The following CCDC149 variants were observed in gnomAD, a reference collection of about 807,000 sequenced individuals.
CCDC149 encodes coiled-coil domain-containing protein 149.
Under a neutral mutation model 59.9 loss-of-function variants are expected in CCDC149, and 45 were observed. That is an observed-to-expected ratio of 0.75 (90% confidence interval 0.59 to 0.96). CCDC149 has a LOEUF of 0.96. Ranked by LOEUF, CCDC149 falls within the 40% of genes least tolerant of loss-of-function variation. The probability of loss-of-function intolerance (pLI) is 0.00; values close to 1 mark genes in which losing one functional copy is unlikely to be tolerated. For missense variants in CCDC149, 584 were observed against 664.7 expected, an observed-to-expected ratio of 0.88 and a Z score of 1.33; for synonymous variants, 245 against 260.6, an observed-to-expected ratio of 0.94 and a Z score of 0.58.
chr4:24,876,740 T>C (rs747192497), intron 1 of CCDC149, 43 bp from the exon 2 acceptor site: 6 of 1,557,630 alleles, frequency 3.9e-6, no homozygotes, highest in Non-Finnish European at 5.2e-6. Flanking sequence ...AAAACATCCA[T>C]GGGCCTCCAT....
Position 24,837,096 on chromosome 4 carries a change from G to A in CCDC149, c.662+132C>T, listed in dbSNP as rs147933483. On this transcript the variant is annotated intron_variant, in intron 6 of 12. Transcript: ENST00000635206. The surrounding 1 kb of genome is among the most constrained non-coding windows in gnomAD (Gnocchi z 4.3). ...TACATGGCATTGATGTCATCATTTC[G>A]GGGGAGTGAGTTTCTTTTCACTTGT... 6.3e-4 allele frequency: 508 copies of A among 808,352 alleles called. No individual in the cohort carries two copies. The highest frequency in any genetic ancestry group is 3.1e-3 in the African/African-American group (180 of 57,798). The allele number at this position is 808,352 out of a possible 1,614,324, so 50.1% of individuals were successfully genotyped here. A position where few individuals can be genotyped will look rare whatever the true frequency, so the allele number is the denominator to read the frequency against.
chr4:24,807,867 T>C lies in CCDC149; in HGVS notation c.*522A>G, dbSNP rs1472673988. 2.0e-5 allele frequency: 3 copies of C among 152,320 alleles called. No homozygotes were observed. Among genetic ancestry groups the C allele is most frequent in the Non-Finnish European group, 4.4e-5 (3 of 68,174 alleles). 9.4% of individuals were successfully genotyped at this position (152,320 alleles called of 1,614,324 possible). ...GTGGGCACAATGCCAAGCACACCCA[T>C]GCCAGGCAGTCCTCCTGGGCCCTGA... On this transcript the variant is annotated 3_prime_UTR_variant, in exon 13 of 13. Coordinates refer to ENST00000635206, the MANE Select transcript of CCDC149 (RefSeq NM_001330643.2).
intron 1 of CCDC149, among the ~76,000 whole-genome samples, chr4:24,895,898 G>C (rs1720820949): frequency 6.6e-6 from 1 of 152,176 alleles, no homozygotes; most frequent in Non-Finnish European, 1.5e-5. Context: ...AGTCTGGGCA[G>C]GAATCTAGAA....
intron 12 of CCDC149, among the ~76,000 whole-genome samples, chr4:24,817,876 G>C (rs1036311359): frequency 6.6e-6 from 1 of 152,130 alleles, no homozygotes; most frequent in African/African-American, 2.4e-5. Context: ...ACAGTTTTTA[G>C]GGCAGACAAT....
intron 11 of CCDC149, 22 bp from the exon 12 acceptor site, chr4:24,819,997 T>C: frequency 6.6e-7 from 1 of 1,518,234 alleles, no homozygotes; most frequent in Non-Finnish European, 8.9e-7. Context: ...AAGAGGAAAA[T>C]GGATGTCTTA....
chr4:24,974,729 C>T (rs1001303319), intron 1 of CCDC149, among the ~76,000 whole-genome samples: 12 of 152,208 alleles, frequency 7.9e-5, no homozygotes, highest in Non-Finnish European at 1.5e-4. Flanking sequence ...ACTGCATGGC[C>T]TCGGATGATC....
chr4:24,912,789 T>C, intron 1 of CCDC149, 28 bp downstream of exon 1: 1 of 1,290,274 alleles, frequency 7.8e-7, no homozygotes, highest in South Asian at 2.0e-5. Context: ...GCCCGGCCCA[T>C]CCCGCCTGGC....
chr4:24,875,620 C>G (rs576638630), intron 2 of CCDC149, among the ~76,000 whole-genome samples: 1 of 151,656 alleles, frequency 6.6e-6, no homozygotes, highest in African/African-American at 2.4e-5. Flanking sequence ...ACAGGTGTGT[C>G]ACTGCATTTG....
intron 4 of CCDC149, among the ~76,000 whole-genome samples, chr4:24,839,028 TCACA>T (rs56226858): frequency 0.03 from 3,890 of 131,792 alleles, 145 homozygotes; most frequent in African/African-American, 0.088. Context: ...TCTCTCTCTC[TCACA>T]CACACACACA....
At chr4:24,938,889 C>G (rs934655477) in intron 1 of CCDC149, among the ~76,000 whole-genome samples, 4 of 150,548 alleles carry the variant, frequency 2.7e-5, no homozygotes, top group African/African-American at 9.8e-5. Flanking sequence ...GTAAACAAAG[C>G]GGCCGGGAAG....
intron 1 of CCDC149, among the ~76,000 whole-genome samples, chr4:24,964,366 C>T (rs1257798257): frequency 6.6e-6 from 1 of 152,028 alleles, no homozygotes; most frequent in African/African-American, 2.4e-5. Context: ...AATAAACTGA[C>T]AAAAATGAAC....
At chr4:24,901,455 T>C (rs1328653031) in intron 1 of CCDC149, among the ~76,000 whole-genome samples, 1 of 152,238 alleles carries the variant, frequency 6.6e-6, no homozygotes, top group Non-Finnish European at 1.5e-5. Context: ...AAACTCACTA[T>C]ATTAATTTTT....
intron 1 of CCDC149, among the ~76,000 whole-genome samples, chr4:24,944,061 A>G (rs1723032559): frequency 6.6e-6 from 1 of 152,236 alleles, no homozygotes; most frequent in Admixed American, 6.5e-5. Context: ...TATATACCCA[A>G]AGGATTATAA....
chr4:24,856,595 T>A (rs1168376250), intron 3 of CCDC149, among the ~76,000 whole-genome samples: 2 of 152,208 alleles, frequency 1.3e-5, no homozygotes, highest in Non-Finnish European at 2.9e-5. Flanking sequence ...CCTCTCTCCC[T>A]CACCCCATCA....
chr4:24,878,868 G>T (rs1478736027), intron 1 of CCDC149, among the ~76,000 whole-genome samples: 2 of 152,180 alleles, frequency 1.3e-5, no homozygotes, highest in Non-Finnish European at 2.9e-5. Context: ...ACAGCTCTCT[G>T]TTAGGGTCCA....
rs531020108 is a variant in CCDC149, at chr4:24,936,042, A to G, written c.-64-40924T>C. Among the ~76,000 whole-genome samples, 7 of 152,282 alleles carry G rather than the reference A, an allele frequency of 4.6e-5. No homozygotes were observed. The South Asian group carries it at 8.3e-4, about 18-fold the overall frequency. ...TCAAGAAAGAGGCAATGCTCACCCA[A>G]GCTGCTGATATTAGTCAACTCAGAT... is the stretch of plus-strand genomic sequence containing the variant. On this transcript the variant is annotated intron_variant, in intron 1 of 12. Transcript: ENST00000389609.
intron 1 of CCDC149, among the ~76,000 whole-genome samples, chr4:24,957,051 TC>T (rs1723486684): frequency 6.6e-6 from 1 of 152,142 alleles, no homozygotes. Flanking sequence ...GGAGCTCAAA[TC>T]CCTAGAATTA....
intron 1 of CCDC149, among the ~76,000 whole-genome samples, chr4:24,977,995 G>C (rs906263677): frequency 2.6e-5 from 4 of 152,150 alleles, no homozygotes; most frequent in Admixed American, 2.0e-4. Context: ...AACTGGACTT[G>C]ATGGTGCACA....
chr4:24,830,509 C>T (rs1716072870), intron 9 of CCDC149: 1 of 152,268 alleles, frequency 6.6e-6, no homozygotes, highest in African/African-American at 2.4e-5. Context: ...CCCTTCACTC[C>T]AGCTTCTCTT....
Sources: gnomAD v4.1 joint callset for allele counts (sites outside exome capture counted in the v4.1 genomes callset) on GRCh38, gnomAD v4.1.1 for gene constraint, Gnocchi (gnomAD v3.1) non-coding constraint, MANE v1.5 for transcripts, NCBI Gene and HGNC (gene_info 2026-07-23, HGNC 2026-07-21) for gene names.